ELMO1: variants seen among roughly 807,000 people sequenced by gnomAD.
ELMO1 encodes engulfment and cell motility protein 1.
In ELMO1, 26 loss-of-function variants were observed where a neutral mutation model predicts 98.9. That is an observed-to-expected ratio of 0.26 (90% confidence interval 0.19 to 0.36). The LOEUF (loss-of-function observed/expected upper bound fraction) is 0.36, where lower values mean the gene tolerates loss of function less well. Among genes scored for constraint, ELMO1 ranks in the 10% least tolerant of loss-of-function variants. ELMO1 has a pLI of 1.00. For synonymous variants in ELMO1, 346 were observed against 346.0 expected (o/e 1.00, Z 0.00); for missense variants, 627 against 935.2 (o/e 0.67, Z 4.30).
chr7:37,139,351 C>T (rs528702506), intron 13 of ELMO1, among the ~76,000 whole-genome samples: 3 of 152,180 alleles, frequency 2.0e-5, no homozygotes, highest in Non-Finnish European at 4.4e-5. Context: ...GCTCCTAAAA[C>T]TGGCAAATAA....
chr7:36,992,134 C>T (rs117001562), intron 16 of ELMO1, among the ~76,000 whole-genome samples: 2,674 of 152,314 alleles, frequency 0.018, 38 homozygotes, highest in Non-Finnish European at 0.029. Context: ...GTGATACCTA[C>T]GAACAGTAAG....
chr7:37,164,892 G>T (rs1004616323), intron 13 of ELMO1, among the ~76,000 whole-genome samples: 1 of 151,108 alleles, frequency 6.6e-6, no homozygotes. Flanking sequence ...TTGGTAGCTT[G>T]ATGGGGATGG....
intron 1 of ELMO1, among the ~76,000 whole-genome samples, chr7:37,363,939 G>T (rs1481454095): frequency 6.6e-6 from 1 of 152,072 alleles, no homozygotes; most frequent in African/African-American, 2.4e-5. Flanking sequence ...GGCCTAGAAG[G>T]ACTCTAACCC....
rs181074772 is a variant in ELMO1 at position 37,276,295 on chromosome 7, C to T, written c.193-4413G>A. Among the ~76,000 whole-genome samples, 586 of 152,214 alleles carry T rather than the reference C, an allele frequency of 3.8e-3. 6 individuals carry two copies. The highest frequency in any genetic ancestry group is 3.3e-3 in the Non-Finnish European group (226 of 68,008). On this transcript the variant is annotated intron_variant, in intron 4 of 21. Coordinates refer to ENST00000310758, the MANE Select transcript of ELMO1 (RefSeq NM_014800.11). ...GAGAGAGAAAGAGAGAGAGAGTTCG[C>T]TGTTTATTATTAAGCACAAAAATAA...
At chr7:37,031,515 C>T (rs944435265) in intron 15 of ELMO1, among the ~76,000 whole-genome samples, 3 of 152,158 alleles carry the variant, frequency 2.0e-5, no homozygotes, top group African/African-American at 7.2e-5. Flanking sequence ...TCCTGCAGGT[C>T]TTTCAGAATC....
chr7:37,293,147 G>A (rs1473146786), intron 4 of ELMO1, among the ~76,000 whole-genome samples: 1 of 55,974 alleles, frequency 1.8e-5, no homozygotes, highest in African/African-American at 4.1e-5. Flanking sequence ...GGTGAGGGGC[G>A]CCTCTGCCTG....
intron 16 of ELMO1, among the ~76,000 whole-genome samples, chr7:36,952,078 A>AG (rs1173264860): frequency 6.6e-6 from 1 of 152,176 alleles, no homozygotes; most frequent in Non-Finnish European, 1.5e-5. Flanking sequence ...CCCCAGACGG[A>AG]GGGGGCATGA....
At chr7:36,994,051 C>T (rs1322407493) in intron 16 of ELMO1, among the ~76,000 whole-genome samples, 1 of 152,204 alleles carries the variant, frequency 6.6e-6, no homozygotes, top group Non-Finnish European at 1.5e-5. Flanking sequence ...GGAGTTGGTG[C>T]ATTTATTCAA....
chr7:37,333,065 CCATGAATG>C (rs1357003994), intron 2 of ELMO1, among the ~76,000 whole-genome samples: 4 of 152,096 alleles, frequency 2.6e-5, no homozygotes, highest in Non-Finnish European at 5.9e-5. Flanking sequence ...TGCCATTGAC[CCATGAATG>C]CATTTGATGG....
chr7:36,985,242 G>A (rs900541808), intron 16 of ELMO1: 2 of 417,902 alleles, frequency 4.8e-6, no homozygotes, highest in Non-Finnish European at 6.4e-6. Context: ...TTTTTCAGGG[G>A]TTTGAAAGGA....
At chr7:36,896,680 GT>G (rs59923094) in intron 16 of ELMO1, among the ~76,000 whole-genome samples, 299 of 151,428 alleles carry the variant, frequency 2.0e-3, no homozygotes, top group African/African-American at 4.9e-3. Context: ...TTTTTTGTTT[GT>G]TTTTTTTTTT....
intron 10 of ELMO1, among the ~76,000 whole-genome samples, chr7:37,220,284 A>C (rs1041657639): frequency 1.3e-5 from 2 of 152,244 alleles, no homozygotes; most frequent in African/African-American, 4.8e-5. Flanking sequence ...TAGTTTATGA[A>C]GTCCACATCA....
chr7:37,400,457 C>T (rs1459410460), intron 1 of ELMO1, among the ~76,000 whole-genome samples: 3 of 152,162 alleles, frequency 2.0e-5, no homozygotes, highest in Non-Finnish European at 4.4e-5. Flanking sequence ...TTTTTCTATT[C>T]CATAAAATTA....
intron 1 of ELMO1, among the ~76,000 whole-genome samples, chr7:37,371,774 T>G (rs56282157): frequency 0.05 from 7,569 of 152,322 alleles, 263 homozygotes; most frequent in Admixed American, 0.073. Flanking sequence ...GCCTGCTTCT[T>G]AATCGTTGCC....
intron 16 of ELMO1, among the ~76,000 whole-genome samples, chr7:36,947,752 T>A (rs1787619532): frequency 6.6e-6 from 1 of 152,054 alleles, no homozygotes; most frequent in African/African-American, 2.4e-5. Context: ...CCTTTCCTCC[T>A]CAAACTCTGA....
intron 16 of ELMO1, among the ~76,000 whole-genome samples, chr7:36,929,761 G>A (rs1785879330): frequency 6.6e-6 from 1 of 152,130 alleles, no homozygotes; most frequent in African/African-American, 2.4e-5. Context: ...AGTCTATGAT[G>A]GTCAAATCTA....
chr7:36,984,535 A>G (rs1791354354), intron 16 of ELMO1, among the ~76,000 whole-genome samples: 1 of 152,190 alleles, frequency 6.6e-6, no homozygotes, highest in South Asian at 2.1e-4. Context: ...ACCATTCATC[A>G]CAGGTCCCAT....
intron 16 of ELMO1, among the ~76,000 whole-genome samples, chr7:36,972,677 T>A (rs183859449): frequency 3.6e-4 from 55 of 152,382 alleles, no homozygotes; most frequent in African/African-American, 1.3e-3. Flanking sequence ...GTCCATCTGA[T>A]GTCCTCATTT....
intron 15 of ELMO1, among the ~76,000 whole-genome samples, chr7:37,061,558 C>T (rs759259261): frequency 1.3e-5 from 2 of 152,086 alleles, no homozygotes; most frequent in African/African-American, 2.4e-5. Flanking sequence ...ATATACAAAA[C>T]AGACATTGAG....
Sources: allele counts gnomAD v4.1 joint callset (sites outside exome capture counted in the v4.1 genomes callset), GRCh38; gene constraint gnomAD v4.1.1; transcripts MANE v1.5; gene names NCBI Gene and HGNC (gene_info 2026-07-23, HGNC 2026-07-21).